KIF7: variants seen among roughly 807,000 people sequenced by gnomAD.
The protein encoded by KIF7 is kinesin-like protein KIF7.
KIF7 carries 104 observed loss-of-function variants against 135.7 expected under a neutral mutation model. The ratio of observed to expected loss-of-function variants is 0.77; its 90% CI spans 0.65 to 0.90. The LOEUF (loss-of-function observed/expected upper bound fraction) is 0.90, where lower values mean the gene tolerates loss of function less well. KIF7 is among the 40% of genes least tolerant of loss of function. KIF7 has a pLI of 0.00. For missense variants in KIF7, 2,005 were observed against 1,839.1 expected (o/e 1.09, Z -1.65); for synonymous variants, 883 against 809.4 (o/e 1.09, Z -1.54).
In KIF7 at chr15:89,633,819, C is replaced by G. The variant is rs374638470; in HGVS notation, c.2459G>C (p.Arg820Pro). The G allele has an allele frequency of 2.5e-6, 4 of 1,613,216 alleles. No individual in the cohort carries two copies. The highest frequency in any genetic ancestry group is 3.3e-5 in the Admixed American group (2 of 60,034). Residue 820 changes from arginine (R) to proline (P), a missense_variant, in exon 12 of 19, where the codon CGA (arginine) becomes CCA (proline). Coordinates refer to ENST00000394412, the MANE Select transcript of KIF7 (RefSeq NM_198525.3). ...CACGTTCCGCTCGAGCTCCTGCAGT[C>G]GCTTCTCACTCTGGGCCGACAGTGA... ...LVSLSAQSEK[R>P]LQELERNVQL...
At chr15:89,625,188 C>T (rs1447169599), downstream of KIF7, 3 of 1,613,718 alleles carry the variant, frequency 1.9e-6, no homozygotes, top group Admixed American at 1.7e-5. Context: ...CACCCCCCTG[C>T]CCCCGCCTCT....
At chr15:89,660,570 C>G in the KIF7 span, among the ~76,000 whole-genome samples, 1 of 152,170 alleles carries the variant, frequency 6.6e-6, no homozygotes. Context: ...CACGACAGAA[C>G]AGTAAGATAG....
downstream of KIF7, chr15:89,627,108 A>G (rs1963544519): frequency 6.2e-7 from 1 of 1,613,488 alleles, no homozygotes; most frequent in East Asian, 2.2e-5. Flanking sequence ...ACTGAGCCCA[A>G]AAGATCAAGG....
At position 89,628,487 on chromosome 15, in the gene KIF7, A is replaced by T; in HGVS notation, c.3964T>A (p.Ser1322Thr). ...AGLPWNFGPL[S>T]KPRRELRRAS... is the part of the protein sequence containing the mutation. Reference sequence around the variant, plus strand: ...CGTCGCAGTTCCCGCCGGGGCTTGGACAAAGGCCCAAAGTTCCAGGGCAGG... The same window carrying T: ...CGTCGCAGTTCCCGCCGGGGCTTGGTCAAAGGCCCAAAGTTCCAGGGCAGG... Residue 1322 changes from serine to threonine, a missense_variant, in exon 19 of 19, where the codon TCC becomes ACC. Ser to Thr is a moderately conservative substitution (Grantham distance 58). Coordinates refer to ENST00000394412, the MANE Select transcript of KIF7 (RefSeq NM_198525.3). The T allele has an allele frequency of 6.2e-7, 1 of 1,612,166 alleles. No individual in the cohort carries two copies. The highest frequency in any genetic ancestry group is 8.5e-7 in the Non-Finnish European group (1 of 1,179,420).
chr15:89,619,761 C>T (rs778497649), intron 1 of KIF7: 2 of 1,614,000 alleles, frequency 1.2e-6, no homozygotes, highest in South Asian at 1.1e-5. Flanking sequence ...TAGCAGGACA[C>T]ATTCTGCCTC....
chr15:89,640,114 G>C (rs1267085600), intron 11 of KIF7, among the ~76,000 whole-genome samples: 1 of 151,738 alleles, frequency 6.6e-6, no homozygotes, highest in Non-Finnish European at 1.5e-5. Flanking sequence ...GACACAGGAA[G>C]GGGAACATCA....
intron 10 of KIF7, among the ~76,000 whole-genome samples, chr15:89,643,635 C>G (rs1259266497): frequency 1.3e-5 from 2 of 152,146 alleles, no homozygotes; most frequent in East Asian, 3.8e-4. Flanking sequence ...GCCTCTAATC[C>G]CAGTACTTTG....
At position 89,629,131 on chromosome 15, in the gene KIF7, G is replaced by C; in HGVS notation, c.3518-9C>G. The C allele has an allele frequency of 6.3e-7, 1 of 1,592,926 alleles. No homozygotes were observed. The highest frequency in any genetic ancestry group is 8.5e-7 in the Non-Finnish European group (1 of 1,170,972). On this transcript the variant is annotated splice_polypyrimidine_tract_variant and intron_variant, in intron 17 of 18. Transcript: ENST00000394412. ...CCCTTCACCGAGGTGGTCTAGAGTG[G>C]AAAGGTCGAGGAGAGGGTGGTGAGG...
intron 1 of KIF7, among the ~76,000 whole-genome samples, chr15:89,619,261 T>A (rs549208309): frequency 6.8e-6 from 1 of 146,040 alleles, no homozygotes; most frequent in South Asian, 2.3e-4. Context: ...ACTCTTGCTC[T>A]GTCGCCCAGG....
chr15:89,651,550 G>A (rs1035419878), intron 2 of KIF7, among the ~76,000 whole-genome samples: 10 of 152,150 alleles, frequency 6.6e-5, no homozygotes, highest in Admixed American at 5.9e-4. Flanking sequence ...ACATTATTAA[G>A]AAAATCAAAC....
At position 89,642,204 on chromosome 15, in the gene KIF7, T is replaced by C. The variant is rs201612675; in HGVS notation, c.2393A>G (p.Gln798Arg). Residue 798 changes from glutamine (Q) to arginine (R), a missense_variant and splice_region_variant, in exon 11 of 19, where the codon CAG becomes CGG. Transcript: ENST00000394412. ...RRVAAAQSQV[Q>R]VLKEKKQATE... ...CCACCCTGAGGCCCCGAGACTAACC[T>C]GCACCTGGCTCTGGGCCGCAGCGAC... 7.8e-5 allele frequency: 125 copies of C among 1,610,052 alleles called. No individual in the cohort carries two copies. Among genetic ancestry groups the C allele is most frequent in the Non-Finnish European group, 9.7e-5 (114 of 1,179,462 alleles).
chr15:89,634,610 CTT>C (rs1963762934), intron 11 of KIF7, among the ~76,000 whole-genome samples: 2 of 152,336 alleles, frequency 1.3e-5, no homozygotes, highest in South Asian at 4.1e-4. Context: ...GAATACTGCG[CTT>C]TTCCGATGGG....
At chr15:89,654,735 C>T (rs1396564352) in intron 1 of KIF7, among the ~76,000 whole-genome samples, 1 of 152,234 alleles carries the variant, frequency 6.6e-6, no homozygotes, top group Non-Finnish European at 1.5e-5. Flanking sequence ...ATCCAGGGAA[C>T]TTTCCCTGCC....
chr15:89,643,081 C>CGT (rs1567064239), intron 10 of KIF7, among the ~76,000 whole-genome samples: 1 of 151,782 alleles, frequency 6.6e-6, no homozygotes, highest in Non-Finnish European at 1.5e-5. Flanking sequence ...AAACCCCAAA[C>CGT]GTGGGGTTTG....
At chr15:89,634,879 C>G (rs1470252339) in intron 11 of KIF7, among the ~76,000 whole-genome samples, 1 of 152,192 alleles carries the variant, frequency 6.6e-6, no homozygotes, top group Non-Finnish European at 1.5e-5. Context: ...GGGCAGGGCA[C>G]AGACAAACAA....
rs199783943 is a variant in KIF7, at chr15:89,633,749, G to A, written c.2529C>T (p.Arg843=). The A allele has an allele frequency of 3.3e-5, 53 of 1,609,488 alleles. 1 individual carries two copies. The highest frequency in any genetic ancestry group is 4.0e-5 in the African/African-American group (3 of 74,930). ...QQQGQLQRRL[R]EETEQKRRLE... is the part of the protein sequence containing the mutation. ...GGCGCCGCTTCTGCTCCGTCTCCTC[G>A]CGAAGCCGCCTCTGCAGCTGTCCCT... The change falls in exon 12 of 19, where the codon CGC becomes CGT. Residue 843 remains arginine, a synonymous_variant. Coordinates refer to ENST00000394412, the MANE Select transcript of KIF7 (RefSeq NM_198525.3).
chr15:89,630,341 G>C lies in KIF7; in HGVS notation c.3264C>G (p.Leu1088=). ...SQCEMNLMAK[L]SYLSSSETRA... ...TGGTCTCTGAGGATGAGAGGTAGCT[G>C]AGCTTGGCCATGAGGTTCATCTCGC... The change falls in exon 16 of 19, where the codon CTC becomes CTG. Residue 1088 remains leucine (L), a synonymous_variant. Coordinates refer to ENST00000394412, the MANE Select transcript of KIF7 (RefSeq NM_198525.3). 1 of 1,614,214 alleles carries C rather than the reference G, an allele frequency of 6.2e-7. No homozygotes were observed.
intron 5 of KIF7, 82 bp downstream of exon 5, chr15:89,648,173 G>A (rs1000746966): frequency 1.5e-6 from 2 of 1,372,374 alleles, no homozygotes; most frequent in African/African-American, 1.5e-5. Context: ...CAGGGGCGCA[G>A]CTGCTGTCTG....
chr15:89,625,123 C>G (rs150284047), downstream of KIF7: 435 of 1,613,994 alleles, frequency 2.7e-4, 1 homozygote, highest in Non-Finnish European at 3.5e-4. Flanking sequence ...CCTCCCTGCT[C>G]TCAGCATGCC....
Sources: allele counts gnomAD v4.1 joint callset (sites outside exome capture counted in the v4.1 genomes callset), GRCh38; gene constraint gnomAD v4.1.1; transcripts MANE v1.5; gene names NCBI Gene and HGNC (gene_info 2026-07-23, HGNC 2026-07-21).